Variants in FRMD4A observed in about 807,000 individuals in gnomAD.
The protein encoded by FRMD4A is FERM domain containing 4A.
A neutral mutation model predicts 129.1 loss-of-function variants in FRMD4A; 29 were observed. The ratio of observed to expected loss-of-function variants is 0.22; its 90% CI spans 0.17 to 0.31. The LOEUF (loss-of-function observed/expected upper bound fraction) is 0.31, where lower values mean the gene tolerates loss of function less well. Ranked by LOEUF, FRMD4A falls within the 10% of genes least tolerant of loss-of-function variation. The pLI, the probability that FRMD4A is intolerant of heterozygous loss-of-function variation, is 1.00. For synonymous variants in FRMD4A, 634 were observed against 571.6 expected (o/e 1.11, Z -1.56); for missense variants, 1,272 against 1,375.8 (o/e 0.92, Z 1.19).
In FRMD4A at chr10:13,936,012, G is replaced by A. The variant is rs76970868; in HGVS notation, c.46-77100C>T. On this transcript the variant is annotated intron_variant, in intron 2 of 24. Coordinates refer to ENST00000357447, the MANE Select transcript of FRMD4A (RefSeq NM_018027.5). ...AAGGGAAATGTGTTTGGCACAAGAG[G>A]GATTTCTTTAGATTCTCTTTTGTCC... is the stretch of plus-strand genomic sequence containing the variant. Among the ~76,000 whole-genome samples the A allele has an allele frequency of 8.3e-3, 1,264 of 152,232 alleles. 66 individuals carry two copies. The East Asian group carries it at 0.14, about 17-fold the overall frequency.
intron 2 of FRMD4A, among the ~76,000 whole-genome samples, chr10:14,272,624 A>G (rs1254068879): frequency 6.6e-6 from 1 of 152,210 alleles, no homozygotes; most frequent in Non-Finnish European, 1.5e-5. Flanking sequence ...AAGAGGTTTA[A>G]CTGGCTCATG....
At chr10:14,161,623 G>C (rs61838564) in intron 2 of FRMD4A, among the ~76,000 whole-genome samples, 5,785 of 152,274 alleles carry the variant, frequency 0.038, 142 homozygotes, top group Middle Eastern at 0.099. Flanking sequence ...TGATCTCGTA[G>C]AGACAGAGAG....
intron 6 of FRMD4A, among the ~76,000 whole-genome samples, chr10:13,764,130 G>A (rs1048026474): frequency 2.0e-5 from 3 of 151,702 alleles, no homozygotes; most frequent in Non-Finnish European, 2.9e-5. Flanking sequence ...ATACACCCAT[G>A]ATACCATTAC....
At chr10:13,897,035 T>C (rs1378708895) in intron 2 of FRMD4A, among the ~76,000 whole-genome samples, 1 of 152,144 alleles carries the variant, frequency 6.6e-6, no homozygotes, top group Non-Finnish European at 1.5e-5. Flanking sequence ...TTATGCCCCA[T>C]TGTTCAGTTA....
intron 9 of FRMD4A, among the ~76,000 whole-genome samples, chr10:13,742,044 A>T (rs563829097): frequency 2.0e-5 from 3 of 152,180 alleles, no homozygotes; most frequent in African/African-American, 4.8e-5. Context: ...TTTAGTAGAG[A>T]TGGGGTTTTG....
chr10:14,034,353 C>T (rs533140005), intron 2 of FRMD4A, among the ~76,000 whole-genome samples: 82 of 152,248 alleles, frequency 5.4e-4, no homozygotes, highest in South Asian at 1.7e-3. Context: ...GACGCACGTC[C>T]CTGACTATTG....
chr10:13,894,889 G>A (rs927920820), intron 2 of FRMD4A, among the ~76,000 whole-genome samples: 1 of 152,170 alleles, frequency 6.6e-6, no homozygotes, highest in African/African-American at 2.4e-5. Context: ...CTTGAATCTT[G>A]CCTGGCCACC....
intron 2 of FRMD4A, among the ~76,000 whole-genome samples, chr10:14,128,054 T>TTCTTTCTTTCTCTCTC (rs1166903219): frequency 1.1e-4 from 3 of 27,376 alleles, no homozygotes; most frequent in Admixed American, 3.7e-4. Flanking sequence ...CCCTCTTTCT[T>TTCTTTCTTTCTCTCTC]TCTTTCTTTC....
chr10:14,148,890 A>C (rs1452769856), intron 2 of FRMD4A, among the ~76,000 whole-genome samples: 1 of 152,214 alleles, frequency 6.6e-6, no homozygotes, highest in Non-Finnish European at 1.5e-5. Context: ...TGTGATTTGT[A>C]GGATATTAGG....
intron 2 of FRMD4A, among the ~76,000 whole-genome samples, chr10:14,146,698 G>A (rs866485677): frequency 6.6e-6 from 1 of 152,138 alleles, no homozygotes. Flanking sequence ...ATGGAATCTA[G>A]TTCTCAGCTC....
At chr10:13,650,802 T>A (rs956956260) in intron 24 of FRMD4A, among the ~76,000 whole-genome samples, 3 of 152,214 alleles carry the variant, frequency 2.0e-5, no homozygotes, top group Non-Finnish European at 4.4e-5. Flanking sequence ...CATCCATGTT[T>A]TTGCACTTGG....
intron 3 of FRMD4A, among the ~76,000 whole-genome samples, chr10:13,823,474 G>T (rs1432582286): frequency 6.6e-6 from 1 of 152,240 alleles, no homozygotes; most frequent in East Asian, 1.9e-4. Flanking sequence ...GGACTGCCAA[G>T]TCTGCAGCCC....
In FRMD4A at chr10:13,689,139, T is replaced by C. The variant is rs1347381351; in HGVS notation, c.1117+4759A>G. The stretch of plus-strand genomic sequence containing the variant: ...GGCAAACCACCTTCAAAGTTACTAA[T>C]AGTTTAGAAACATTTTACGTCTTTT... On this transcript the variant is annotated intron_variant, in intron 15 of 24. Transcript: ENST00000357447. Among the ~76,000 whole-genome samples the C allele has an allele frequency of 2.7e-5, 4 of 146,912 alleles. No homozygotes were observed. The East Asian group carries it at 6.2e-4, about 23-fold the overall frequency.
chr10:13,909,527 G>A (rs192964520), intron 2 of FRMD4A, among the ~76,000 whole-genome samples: 75 of 152,238 alleles, frequency 4.9e-4, no homozygotes, highest in Middle Eastern at 3.4e-3. Flanking sequence ...AACCACAAAT[G>A]AATTCAAAAT....
chr10:13,767,873 G>A (rs1324318210), intron 6 of FRMD4A, among the ~76,000 whole-genome samples: 3 of 152,158 alleles, frequency 2.0e-5, no homozygotes, highest in African/African-American at 7.2e-5. Context: ...GGAATCTTGG[G>A]CTGTCTGGTG....
chr10:14,172,903 G>A (rs1228979939), intron 2 of FRMD4A, among the ~76,000 whole-genome samples: 1 of 152,184 alleles, frequency 6.6e-6, no homozygotes, highest in African/African-American at 2.4e-5. Context: ...TCTAATGAAT[G>A]ACTCTCAGAC....
chr10:13,908,190 A>AC (rs397956220), intron 2 of FRMD4A, among the ~76,000 whole-genome samples: 1 of 149,482 alleles, frequency 6.7e-6, no homozygotes, highest in South Asian at 2.1e-4. Context: ...AAAAAAAAAA[A>AC]GGACAGAAAA....
At chr10:13,902,456 G>GGAGAGAGGGAGAGAGAGAGAGA (rs2094830363) in intron 2 of FRMD4A, among the ~76,000 whole-genome samples, 1 of 127,700 alleles carries the variant, frequency 7.8e-6, no homozygotes. Context: ...GCAAAATACT[G>GGAGAGAGGGAGAGAGAGAGAGA]GAGAGAGAGA....
intron 2 of FRMD4A, among the ~76,000 whole-genome samples, chr10:14,032,301 G>C (rs1833283331): frequency 6.6e-6 from 1 of 152,224 alleles, no homozygotes; most frequent in African/African-American, 2.4e-5. Context: ...ACTACAACCA[G>C]AAATCATGAA....
Sources: allele counts gnomAD v4.1 joint callset (sites outside exome capture counted in the v4.1 genomes callset), GRCh38; gene constraint gnomAD v4.1.1; transcripts MANE v1.5; gene names NCBI Gene and HGNC (gene_info 2026-07-23, HGNC 2026-07-21).